The following TMPRSS11E variants were observed in gnomAD, a reference collection of about 807,000 sequenced individuals.
The protein encoded by TMPRSS11E is transmembrane serine protease 11E.
A neutral mutation model predicts 48.1 loss-of-function variants in TMPRSS11E; 38 were observed. The ratio of observed to expected loss-of-function variants is 0.79; its 90% CI spans 0.61 to 1.04. TMPRSS11E has a LOEUF of 1.04. Among genes scored for constraint, TMPRSS11E ranks in the 50% least tolerant of loss-of-function variants. The pLI, the probability that TMPRSS11E is intolerant of heterozygous loss-of-function variation, is 0.00. For missense variants in TMPRSS11E, 530 were observed against 510.8 expected, an observed-to-expected ratio of 1.04 and a Z score of -0.36; for synonymous variants, 158 against 171.9, an observed-to-expected ratio of 0.92 and a Z score of 0.63.
intron 9 of TMPRSS11E, among the ~76,000 whole-genome samples, chr4:68,492,378 T>G (rs1479163096): frequency 6.6e-6 from 1 of 152,218 alleles, no homozygotes; most frequent in Non-Finnish European, 1.5e-5. Context: ...AGCATATTCT[T>G]ACCTGAGGTT....
chr4:68,465,285 C>A (rs1728897529), intron 2 of TMPRSS11E, among the ~76,000 whole-genome samples: 1 of 152,246 alleles, frequency 6.6e-6, no homozygotes, highest in South Asian at 2.1e-4. Flanking sequence ...TATTCATCAC[C>A]AACCGCACCC....
chr4:68,490,067 G>T (rs1483161073), intron 9 of TMPRSS11E, among the ~76,000 whole-genome samples: 1 of 152,126 alleles, frequency 6.6e-6, no homozygotes, highest in African/African-American at 2.4e-5. Flanking sequence ...TCTGTGGTGT[G>T]AGTTGGCCAC....
intron 1 of TMPRSS11E, among the ~76,000 whole-genome samples, chr4:68,450,937 A>G (rs368067986): frequency 2.0e-5 from 3 of 151,966 alleles, no homozygotes; most frequent in East Asian, 3.9e-4. Flanking sequence ...CTGCTAAATG[A>G]ATCTTTGTTG....
rs758785201 is a variant in TMPRSS11E at position 68,477,523 on chromosome 4, C to T, written c.862C>T (p.Pro288Ser). Residue 288 changes from proline (P) to serine (S), a missense_variant, in exon 8 of 10, where the codon CCC becomes TCC. By Grantham distance (74) the Pro-to-Ser change is moderately conservative. Transcript: ENST00000305363. The stretch of plus-strand genomic sequence containing the variant: ...TCTTGCAGAGCTTTCTAGCCCTGTT[C>T]CCTACACAAATGCAGTACATAGAGT... ...ISLAELSSPV[P>S]YTNAVHRVCL... 5.0e-6 allele frequency: 8 copies of T among 1,614,018 alleles called. No homozygotes were observed. The highest frequency in any genetic ancestry group is 2.2e-5 in the East Asian group (1 of 44,892).
At chr4:68,483,994 T>C (rs1176074088) in intron 9 of TMPRSS11E, among the ~76,000 whole-genome samples, 1 of 152,132 alleles carries the variant, frequency 6.6e-6, no homozygotes, top group Non-Finnish European at 1.5e-5. Flanking sequence ...TTGATCTATG[T>C]GTCTACTTTT....
At chr4:68,474,612 T>C in intron 5 of TMPRSS11E, 111 bp from the exon 6 acceptor site, 1 of 975,290 alleles carries the variant, frequency 1.0e-6, no homozygotes, top group East Asian at 2.5e-5. Context: ...CTTTATAATC[T>C]AGAGATACTG....
intron 1 of TMPRSS11E, among the ~76,000 whole-genome samples, chr4:68,451,602 G>C (rs1016023732): frequency 6.6e-6 from 1 of 151,954 alleles, no homozygotes; most frequent in African/African-American, 2.4e-5. Flanking sequence ...TGCAAAAGCA[G>C]ACACAGAGGG....
chr4:68,485,789 T>C (rs2603166), intron 9 of TMPRSS11E, among the ~76,000 whole-genome samples: 50,163 of 151,908 alleles, frequency 0.33, 8,613 homozygotes, highest in Non-Finnish European at 0.37. Context: ...AGGGCCTTCC[T>C]TGTTGGCTGT....
At chr4:68,451,033 A>G (rs965857107) in intron 1 of TMPRSS11E, among the ~76,000 whole-genome samples, 2 of 151,970 alleles carry the variant, frequency 1.3e-5, no homozygotes, top group Non-Finnish European at 2.9e-5. Flanking sequence ...CCAGAGAAAC[A>G]TGAAAAATAG....
At chr4:68,485,437 G>A (rs1029279625) in intron 9 of TMPRSS11E, among the ~76,000 whole-genome samples, 1 of 152,042 alleles carries the variant, frequency 6.6e-6, no homozygotes, top group Non-Finnish European at 1.5e-5. Flanking sequence ...ATGAGCCACC[G>A]TGCCCAGCCA....
chr4:68,480,449 T>A (rs1226354199), intron 9 of TMPRSS11E, among the ~76,000 whole-genome samples: 1 of 152,102 alleles, frequency 6.6e-6, no homozygotes, highest in Non-Finnish European at 1.5e-5. Flanking sequence ...TTGCTTATCA[T>A]ATTTTTTAGT....
Position 68,466,726 on chromosome 4 carries a change from G to A in TMPRSS11E, c.232G>A (p.Glu78Lys). 6.2e-7 allele frequency: 1 copy of A among 1,613,676 alleles called. No individual in the cohort carries two copies. Reference sequence around the variant, plus strand: ...CAGAGAGGCTTCTAACAATTTTACAGAAATGAGCCAGAGACTTGAATCAAT... The same window carrying A: ...CAGAGAGGCTTCTAACAATTTTACAAAAATGAGCCAGAGACTTGAATCAAT... ...FGREASNNFT[E>K]MSQRLESMVK... Residue 78 changes from glutamate (E) to lysine (K), a missense_variant, in exon 3 of 10, where the codon GAA becomes AAA. By Grantham distance (56) the Glu-to-Lys change is moderately conservative. Coordinates refer to ENST00000305363, the MANE Select transcript of TMPRSS11E (RefSeq NM_014058.4).
At chr4:68,449,950 G>A (rs1728448149) in intron 1 of TMPRSS11E, among the ~76,000 whole-genome samples, 1 of 151,704 alleles carries the variant, frequency 6.6e-6, no homozygotes, top group Admixed American at 6.6e-5. Context: ...AACTGAGGGG[G>A]GAGAACATAG....
chr4:68,485,735 T>C (rs1048582912), intron 9 of TMPRSS11E, among the ~76,000 whole-genome samples: 5 of 152,160 alleles, frequency 3.3e-5, no homozygotes, highest in African/African-American at 1.2e-4. Context: ...TACCAGCTCT[T>C]CTTTATATAT....
chr4:68,463,270 T>G (rs2123885), intron 2 of TMPRSS11E, among the ~76,000 whole-genome samples: 32,021 of 152,152 alleles, frequency 0.21, 3,477 homozygotes, highest in Admixed American at 0.27. Context: ...ATTTGGAGTA[T>G]CTGCATATTA....
At chr4:68,469,087 C>T (rs188461034) in intron 4 of TMPRSS11E, 141 bp downstream of exon 4, 4 of 741,982 alleles carry the variant, frequency 5.4e-6, no homozygotes, top group Non-Finnish European at 9.3e-6. Context: ...TCATGGGTTA[C>T]AAAGTCCCTT....
intron 2 of TMPRSS11E, among the ~76,000 whole-genome samples, chr4:68,465,399 CTT>C (rs1728901277): frequency 6.6e-6 from 1 of 152,130 alleles, no homozygotes; most frequent in Admixed American, 6.6e-5. Context: ...TTTTGCATAA[CTT>C]TTATACAACA....
chr4:68,470,600 T>C (rs1188692242), intron 4 of TMPRSS11E, among the ~76,000 whole-genome samples: 3 of 151,880 alleles, frequency 2.0e-5, no homozygotes, highest in Admixed American at 6.6e-5. Context: ...ATATTCAAAC[T>C]TATAATAGAT....
Position 68,496,565 on chromosome 4 carries a change from A to G in TMPRSS11E, c.1111-78A>G, listed in dbSNP as rs758082761. 1.5e-3 allele frequency: 2,132 copies of G among 1,411,844 alleles called. 5 individuals are homozygous for G. The highest frequency in any genetic ancestry group is 1.9e-3 in the Non-Finnish European group (1,975 of 1,040,518). The allele number at this position is 1,411,844 out of a possible 1,614,324, so 87.5% of individuals were successfully genotyped here. A position where few individuals can be genotyped will look rare whatever the true frequency, so the allele number is the denominator to read the frequency against. On this transcript the variant is annotated intron_variant, in intron 9 of 9. Coordinates refer to ENST00000305363, the MANE Select transcript of TMPRSS11E (RefSeq NM_014058.4). ...TTTTGAAAATTACCCCTTTCATTAC[A>G]TTCTTAAGTTAGAAAAATAGCCAAT...
Sources: gnomAD v4.1 joint callset for allele counts (sites outside exome capture counted in the v4.1 genomes callset) on GRCh38, gnomAD v4.1.1 for gene constraint, MANE v1.5 for transcripts, NCBI Gene and HGNC (gene_info 2026-07-23, HGNC 2026-07-21) for gene names.